NEMP1: variants seen among roughly 807,000 people sequenced by gnomAD.
NEMP1 encodes the protein transmembrane protein 194.
Under a neutral mutation model 53.7 loss-of-function variants are expected in NEMP1, and 29 were observed. The ratio of observed to expected loss-of-function variants is 0.54; its 90% CI spans 0.40 to 0.74. The LOEUF (loss-of-function observed/expected upper bound fraction) is 0.74. Ranked by LOEUF, NEMP1 falls within the 30% of genes least tolerant of loss-of-function variation. The pLI is 0.00. For missense variants in NEMP1, 477 were observed against 528.6 expected, an observed-to-expected ratio of 0.90 and a Z score of 0.96; for synonymous variants, 193 against 192.9, an observed-to-expected ratio of 1.00 and a Z score of 0.00.
rs2031643072 is a variant in NEMP1, at chr12:57,058,589, C to T, written c.*1290G>A. 6.6e-6 allele frequency: 1 copy of T among 152,230 alleles called. No homozygotes were observed. Among genetic ancestry groups the T allele is most frequent in the African/African-American group, 2.4e-5 (1 of 41,468 alleles). The allele number at this position is 152,230 out of a possible 1,614,324, so 9.4% of individuals were successfully genotyped here. A position where few individuals can be genotyped will look rare whatever the true frequency, so the allele number is the denominator to read the frequency against. ...TCTGAAACTAATGCTACTGCAATAA[C>T]AGGCAGCATACATCTCAGGTCAGAA... is the stretch of plus-strand genomic sequence containing the variant. On this transcript the variant is annotated 3_prime_UTR_variant, in exon 9 of 9. Transcript: ENST00000300128.
intron 3 of NEMP1, among the ~76,000 whole-genome samples, chr12:57,069,687 G>C (rs533408875): frequency 7.2e-5 from 11 of 151,816 alleles, no homozygotes; most frequent in Non-Finnish European, 1.3e-4. Context: ...GATTTGCCCA[G>C]AACTGTGGGT....
intron 2 of NEMP1, 96 bp downstream of exon 2, chr12:57,072,692 T>G (rs1013836172): frequency 7.5e-7 from 1 of 1,326,198 alleles, no homozygotes; most frequent in African/African-American, 1.5e-5. Flanking sequence ...AACATTTTTT[T>G]TAAGCATGTG....
chr12:57,087,111 C>A (rs900468408), intron 1 of NEMP1, among the ~76,000 whole-genome samples: 6 of 152,238 alleles, frequency 3.9e-5, no homozygotes, highest in African/African-American at 1.4e-4. Context: ...GCCGAGCACC[C>A]CCTCTCCCAG....
chr12:57,065,186 T>A (rs981263249), intron 4 of NEMP1, among the ~76,000 whole-genome samples: 10 of 152,328 alleles, frequency 6.6e-5, no homozygotes, highest in Non-Finnish European at 2.9e-5. Flanking sequence ...TGTGGCAATT[T>A]CTTAAAATAT....
Position 57,069,289 on chromosome 12 carries a change from A to G in NEMP1, c.490T>C (p.Phe164Leu), listed in dbSNP as rs978690242. ...IVIRRFDPKL[F>L]LVFLLGLMLF... ...ATAAGTCCAAGAAGGAAAACAAGAAAGAGTTTGGGATCAAATCCTGAAATA... is the reference window on the plus strand; with the variant it reads ...ATAAGTCCAAGAAGGAAAACAAGAAGGAGTTTGGGATCAAATCCTGAAATA... Residue 164 changes from phenylalanine to leucine, a missense_variant, in exon 4 of 9, where the codon TTT becomes CTT. By Grantham distance (22) the Phe-to-Leu change is conservative. Transcript: ENST00000300128. The G allele has an allele frequency of 1.9e-6, 3 of 1,546,630 alleles. No individual in the cohort carries two copies. Among genetic ancestry groups the G allele is most frequent in the African/African-American group, 2.8e-5 (2 of 72,672 alleles).
chr12:57,066,844 G>C (rs2032103194), intron 4 of NEMP1, among the ~76,000 whole-genome samples: 1 of 152,058 alleles, frequency 6.6e-6, no homozygotes, highest in Non-Finnish European at 1.5e-5. Context: ...CATGAGATCT[G>C]ATGGTTTTAT....
chr12:57,073,455 T>C (rs1470141602), intron 1 of NEMP1, among the ~76,000 whole-genome samples: 2 of 151,634 alleles, frequency 1.3e-5, no homozygotes, highest in African/African-American at 4.8e-5. Flanking sequence ...GCCTGACCAA[T>C]ATGGAGAAAC....
At chr12:57,070,500 G>A (rs1349763729) in intron 3 of NEMP1, among the ~76,000 whole-genome samples, 174 bp downstream of exon 3, 1 of 152,240 alleles carries the variant, frequency 6.6e-6, no homozygotes, top group Non-Finnish European at 1.5e-5. Context: ...TTCTAGGCCT[G>A]TCTGATAGGG....
intron 7 of NEMP1, 83 bp from the exon 8 acceptor site, chr12:57,061,028 G>A (rs1592497710): frequency 7.2e-7 from 1 of 1,383,650 alleles, no homozygotes; most frequent in East Asian, 2.3e-5. Flanking sequence ...AGTGGGCCAA[G>A]AATACAGCAG....
chr12:57,060,659 AT>A, intron 8 of NEMP1, 112 bp downstream of exon 8: 1 of 1,119,508 alleles, frequency 8.9e-7, no homozygotes, highest in South Asian at 1.6e-5. Flanking sequence ...CTACTTGAAG[AT>A]TAACAGGAAA....
upstream of NEMP1, among the ~76,000 whole-genome samples, chr12:57,082,004 A>G (rs1038229387): frequency 2.6e-5 from 4 of 151,650 alleles, no homozygotes; most frequent in Non-Finnish European, 5.9e-5. Context: ...GAATCACGAG[A>G]TCAGGAGTTC....
intron 1 of NEMP1, among the ~76,000 whole-genome samples, chr12:57,084,147 G>A (rs2032927007): frequency 6.6e-6 from 1 of 152,178 alleles, no homozygotes; most frequent in Non-Finnish European, 1.5e-5. Flanking sequence ...ATTTTTAGTA[G>A]AGACGGGGTT....
At chr12:57,084,919 T>C (rs867710609) in intron 1 of NEMP1, among the ~76,000 whole-genome samples, 4 of 152,200 alleles carry the variant, frequency 2.6e-5, no homozygotes, top group Middle Eastern at 3.2e-3. Context: ...ACAAAAGTAG[T>C]GGACAATAAT....
upstream of NEMP1, among the ~76,000 whole-genome samples, chr12:57,079,949 ATTG>A (rs747167133): frequency 9.2e-4 from 139 of 151,144 alleles, no homozygotes; most frequent in Admixed American, 1.7e-3. Context: ...TGTTTGTTTC[ATTG>A]TTGTTGTTGT....
At chr12:57,062,349 G>A (rs1433956142) in intron 7 of NEMP1, among the ~76,000 whole-genome samples, 1 of 151,864 alleles carries the variant, frequency 6.6e-6, no homozygotes, top group African/African-American at 2.4e-5. Flanking sequence ...GCATAGTGGC[G>A]CCCACCCGTA....
intron 1 of NEMP1, among the ~76,000 whole-genome samples, chr12:57,073,397 T>C (rs56405424): frequency 0.019 from 2,951 of 152,044 alleles, 49 homozygotes; most frequent in Non-Finnish European, 0.027. Context: ...CCCAGCACTT[T>C]GGGAGGCTGA....
rs2031647765 is a variant in NEMP1, at chr12:57,058,668, C to G, written c.*1211G>C. On this transcript the variant is annotated 3_prime_UTR_variant, in exon 9 of 9. Coordinates refer to ENST00000300128, the MANE Select transcript of NEMP1 (RefSeq NM_001130963.2). The stretch of plus-strand genomic sequence containing the variant: ...GGAAACTTGACAGCTGAATGAGCAC[C>G]CAGAGGCATGAAGATAACCTGGAGC... The G allele has an allele frequency of 6.6e-6, 1 of 152,150 alleles. No homozygotes were observed. The highest frequency in any genetic ancestry group is 6.5e-5 in the Admixed American group (1 of 15,272). The allele number at this position is 152,150 out of a possible 1,614,324, so 9.4% of individuals were successfully genotyped here.
In NEMP1 at chr12:57,059,733, G is replaced by C. The variant is rs1374500630; in HGVS notation, c.*146C>G. Reference sequence around the variant, plus strand: ...CATAGAGACCTCCCATTTCCAAAGGGAGGCCTTTTTAGGCCTCTTATTTCA... The same window carrying C: ...CATAGAGACCTCCCATTTCCAAAGGCAGGCCTTTTTAGGCCTCTTATTTCA... On this transcript the variant is annotated 3_prime_UTR_variant, in exon 9 of 9. Transcript: ENST00000300128. 1 of 655,728 alleles carries C rather than the reference G, an allele frequency of 1.5e-6. No individual in the cohort carries two copies. The highest frequency in any genetic ancestry group is 2.5e-6 in the Non-Finnish European group (1 of 398,226). The allele number at this position is 655,728 out of a possible 1,614,324, so 40.6% of individuals were successfully genotyped here.
chr12:57,060,714 G>A, intron 8 of NEMP1, 58 bp downstream of exon 8: 2 of 1,526,044 alleles, frequency 1.3e-6, no homozygotes, highest in East Asian at 2.3e-5. Context: ...ATGATCTCTG[G>A]TAGAACTCAA....
Sources: allele counts gnomAD v4.1 joint callset (sites outside exome capture counted in the v4.1 genomes callset), GRCh38; gene constraint gnomAD v4.1.1; transcripts MANE v1.5; gene names NCBI Gene and HGNC (gene_info 2026-07-23, HGNC 2026-07-21).